PRKG2: variants seen among roughly 807,000 people sequenced by gnomAD.
PRKG2 encodes the protein protein kinase cGMP-dependent 2, also known as cGMP-dependent protein kinase 2.
PRKG2 carries 33 observed loss-of-function variants against 97.2 expected under a neutral mutation model. The observed-to-expected ratio is 0.34, with a 90% CI of 0.26 to 0.45. PRKG2 has a LOEUF of 0.45. Ranked by LOEUF, PRKG2 falls within the 20% of genes least tolerant of loss-of-function variation. The pLI, the probability that PRKG2 is intolerant of heterozygous loss-of-function variation, is 1.00. For missense variants in PRKG2, 638 were observed against 900.0 expected (o/e 0.71, Z 3.73); for synonymous variants, 330 against 321.8 (o/e 1.03, Z -0.27).
chr4:81,169,470 C>T (rs1229297836), intron 5 of PRKG2, among the ~76,000 whole-genome samples, 193 bp downstream of exon 5: 1 of 152,020 alleles, frequency 6.6e-6, no homozygotes. Context: ...AATGAGTATA[C>T]AAGGATAATA....
chr4:81,091,346 G>T (rs886464603), intron 18 of PRKG2, among the ~76,000 whole-genome samples: 6 of 152,030 alleles, frequency 3.9e-5, no homozygotes, highest in Non-Finnish European at 8.8e-5. Context: ...GCAGTGGCGT[G>T]ATCTCGGCTC....
At chr4:81,192,954 T>G (rs1360494017) in intron 2 of PRKG2, 1 of 152,228 alleles carries the variant, frequency 6.6e-6, no homozygotes, top group African/African-American at 2.4e-5. Flanking sequence ...TTGGCAAAGT[T>G]CACCTACAGT....
intron 2 of PRKG2, among the ~76,000 whole-genome samples, chr4:81,184,747 A>G (rs1751725304): frequency 6.6e-6 from 1 of 152,190 alleles, no homozygotes; most frequent in South Asian, 2.1e-4. Context: ...ATGTTGAAAA[A>G]GGGTTAGAGG....
intron 9 of PRKG2, among the ~76,000 whole-genome samples, chr4:81,145,543 T>G (rs1267588868): frequency 6.6e-6 from 1 of 152,172 alleles, no homozygotes; most frequent in Non-Finnish European, 1.5e-5. Context: ...ATCACAGGTT[T>G]CTCATAGGCC....
chr4:81,171,311 G>C (rs1251866517), intron 4 of PRKG2, among the ~76,000 whole-genome samples: 1 of 151,996 alleles, frequency 6.6e-6, no homozygotes, highest in Non-Finnish European at 1.5e-5. Flanking sequence ...ATGGCTTCCA[G>C]CTCCATCTAT....
intron 17 of PRKG2, among the ~76,000 whole-genome samples, chr4:81,101,005 G>T (rs372849361): frequency 6.6e-6 from 1 of 151,774 alleles, no homozygotes; most frequent in Non-Finnish European, 1.5e-5. Flanking sequence ...GCAAATCAAA[G>T]CCACAATGAG....
At chr4:81,169,520 G>A (rs931453765) in intron 5 of PRKG2, 143 bp downstream of exon 5, 1 of 640,930 alleles carries the variant, frequency 1.6e-6, no homozygotes, top group Non-Finnish European at 2.7e-6. Flanking sequence ...GGCATTTACT[G>A]CAAGCAATGT....
At chr4:81,100,094 C>T (rs549395413) in intron 17 of PRKG2, among the ~76,000 whole-genome samples, 153 of 151,674 alleles carry the variant, frequency 1.0e-3, no homozygotes, top group African/African-American at 3.6e-3. Context: ...ACATTCCATG[C>T]TCATTGGTAG....
At chr4:81,164,416 C>T (rs184504534) in intron 6 of PRKG2, among the ~76,000 whole-genome samples, 23 of 151,686 alleles carry the variant, frequency 1.5e-4, no homozygotes, top group Non-Finnish European at 3.2e-4. Flanking sequence ...TTTCAACTTT[C>T]TTATGGCTCT....
At chr4:81,145,524 C>T (rs973963552) in intron 9 of PRKG2, among the ~76,000 whole-genome samples, 7 of 152,052 alleles carry the variant, frequency 4.6e-5, no homozygotes, top group Non-Finnish European at 1.0e-4. Flanking sequence ...CCTTTCTCAC[C>T]CTTCCTGGAT....
intron 13 of PRKG2, among the ~76,000 whole-genome samples, chr4:81,135,670 T>C (rs1746618207): frequency 6.6e-6 from 1 of 152,198 alleles, no homozygotes; most frequent in African/African-American, 2.4e-5. Flanking sequence ...AACTTATTGC[T>C]TGACTTAAAA....
In PRKG2 at chr4:81,155,189, A is replaced by AAAAAAAAAG. The variant is rs1334427898; in HGVS notation, c.913-1469_913-1468insCTTTTTTTT. On this transcript the variant is annotated intron_variant, in intron 6 of 18. Transcript: ENST00000264399. ...CGAGACTCCGTCTCAAAAAAAAAAA[A>AAAAAAAAAG]AAGAAGAATGTATAACTAGGATAAC... Among the ~76,000 whole-genome samples the AAAAAAAAAG allele has an allele frequency of 1.8e-3, 270 of 148,290 alleles. 7 individuals are homozygous for AAAAAAAAAG. Among genetic ancestry groups the AAAAAAAAAG allele is most frequent in the Middle Eastern group, 7.0e-3 (2 of 284 alleles).
In PRKG2 at chr4:81,092,510, AAGG is replaced by A. The variant is rs1560527541; in HGVS notation, c.2127-61_2127-59del. 19 of 1,046,968 alleles carry A rather than the reference AAGG, an allele frequency of 1.8e-5. No homozygotes were observed. In the African/African-American group the frequency reaches 3.0e-4, roughly 17 times the overall value. The allele number at this position is 1,046,968 out of a possible 1,614,324, so 64.9% of individuals were successfully genotyped here. A position where few individuals can be genotyped will look rare whatever the true frequency, so the allele number is the denominator to read the frequency against. ...GAAGGAAGGAAGGAAGGAAGGAAGG[AAGG>A]GAGAAAGAAAGAGACGACAAAAAGG... On this transcript the variant is annotated intron_variant, in intron 17 of 18. Transcript: ENST00000264399.
chr4:81,156,723 A>C (rs1214640648), intron 6 of PRKG2, among the ~76,000 whole-genome samples: 2 of 152,232 alleles, frequency 1.3e-5, no homozygotes, highest in African/African-American at 4.8e-5. Context: ...AAATTATAAC[A>C]AACTATCTCT....
intron 14 of PRKG2, among the ~76,000 whole-genome samples, chr4:81,134,754 A>G (rs1746506524): frequency 6.6e-6 from 1 of 152,162 alleles, no homozygotes; most frequent in South Asian, 2.1e-4. Flanking sequence ...CTCTATGTTT[A>G]TCTTCTCTTT....
At chr4:81,137,270 C>T in intron 13 of PRKG2, 123 bp downstream of exon 13, 2 of 741,266 alleles carry the variant, frequency 2.7e-6, no homozygotes, top group Non-Finnish European at 2.3e-6. Flanking sequence ...ATCACTATTA[C>T]TACTTTATTT....
intron 2 of PRKG2, among the ~76,000 whole-genome samples, chr4:81,197,474 G>A (rs772506704): frequency 7.2e-5 from 11 of 152,180 alleles, no homozygotes; most frequent in East Asian, 1.9e-4. Flanking sequence ...AATAGCAAGC[G>A]AAATAAAATG....
chr4:81,097,356 T>A (rs565083146), intron 17 of PRKG2, among the ~76,000 whole-genome samples: 1 of 152,280 alleles, frequency 6.6e-6, no homozygotes, highest in South Asian at 2.1e-4. Flanking sequence ...GCTTAAAATA[T>A]TCAGTAAACC....
intron 18 of PRKG2, 54 bp downstream of exon 18, chr4:81,092,332 A>T: frequency 7.9e-7 from 1 of 1,268,612 alleles, no homozygotes; most frequent in Non-Finnish European, 1.1e-6. Context: ...AAATCTGTGT[A>T]CAAAAACAAA....
Sources: allele counts gnomAD v4.1 joint callset (sites outside exome capture counted in the v4.1 genomes callset), GRCh38; gene constraint gnomAD v4.1.1; transcripts MANE v1.5; gene names NCBI Gene and HGNC (gene_info 2026-07-23, HGNC 2026-07-21).